Variants in NLRP1 observed in about 807,000 individuals in gnomAD.
NLRP1 encodes the protein NLR family pyrin domain containing 1, also known as NACHT, LRR and PYD domains-containing protein 1.
Under a neutral mutation model 136.7 loss-of-function variants are expected in NLRP1, and 94 were observed. That is an observed-to-expected ratio of 0.69 (90% CI 0.58 to 0.82). The LOEUF (loss-of-function observed/expected upper bound fraction) is 0.82. Among genes scored for constraint, NLRP1 ranks in the 40% least tolerant of loss-of-function variants. The pLI is 0.00. For synonymous variants in NLRP1, 690 were observed against 725.1 expected, an observed-to-expected ratio of 0.95 and a Z score of 0.78; for missense variants, 1,575 against 1,802.7, an observed-to-expected ratio of 0.87 and a Z score of 2.29.
chr17:5,513,292 A>G (rs927978344), downstream of NLRP1, among the ~76,000 whole-genome samples: 2 of 152,090 alleles, frequency 1.3e-5, no homozygotes, highest in Non-Finnish European at 2.9e-5. Flanking sequence ...GACAAAGTCT[A>G]TGTTGCCCGG....
chr17:5,550,086 G>C (rs188157307), intron 5 of NLRP1, among the ~76,000 whole-genome samples: 42 of 152,144 alleles, frequency 2.8e-4, no homozygotes, highest in African/African-American at 9.6e-4. Flanking sequence ...TATGTTGCCA[G>C]TATTTTGTTA....
rs1345524697 is a variant in NLRP1, at chr17:5,530,382, G to GGAA, written c.3520+96_3520+98dup. Reference sequence around the variant, plus strand: ...CATAACCCCCCCTCGGCCCCTCTAAGGAAGCCACAACACCCTCTCCCAGGA... The same window carrying GGAA: ...CATAACCCCCCCTCGGCCCCTCTAAGGAAGAAGCCACAACACCCTCTCCCAGGA... On this transcript the variant is annotated intron_variant, in intron 12 of 16. Transcript: ENST00000572272. The GGAA allele has an allele frequency of 2.4e-5, 27 of 1,103,130 alleles. No homozygotes were observed. The Admixed American group carries it at 5.3e-4, about 22-fold the overall frequency. 68.3% of individuals were successfully genotyped at this position (1,103,130 alleles called of 1,614,324 possible).
intron 5 of NLRP1, among the ~76,000 whole-genome samples, chr17:5,543,611 A>C (rs921089033): frequency 6.6e-6 from 1 of 151,846 alleles, no homozygotes; most frequent in African/African-American, 2.4e-5. Flanking sequence ...AGCTGAGATC[A>C]TGCCACTGCA....
intron 8 of NLRP1, among the ~76,000 whole-genome samples, chr17:5,535,011 G>C (rs1470544062): frequency 6.6e-6 from 1 of 152,190 alleles, no homozygotes; most frequent in Non-Finnish European, 1.5e-5. Context: ...CACAAGGTCA[G>C]GAGTTCGAGA....
intron 8 of NLRP1, among the ~76,000 whole-genome samples, chr17:5,534,948 G>A (rs867878489): frequency 5.9e-5 from 9 of 152,094 alleles, no homozygotes; most frequent in Middle Eastern, 3.2e-3. Flanking sequence ...TCAGCCGGGC[G>A]CGGTGGCTCA....
intron 4 of NLRP1, among the ~76,000 whole-genome samples, chr17:5,556,487 C>T (rs930272840): frequency 6.6e-6 from 1 of 151,108 alleles, no homozygotes; most frequent in South Asian, 2.1e-4. Context: ...AAAAAAATAC[C>T]CCACACCCAC....
chr17:5,552,110 T>G, intron 5 of NLRP1, among the ~76,000 whole-genome samples: 1 of 91,176 alleles, frequency 1.1e-5, no homozygotes, highest in Admixed American at 1.2e-4. Flanking sequence ...TTTTTTTTTT[T>G]TTTTTAAATA....
At chr17:5,513,364 T>C (rs1182768602), downstream of NLRP1, among the ~76,000 whole-genome samples, 2 of 152,250 alleles carry the variant, frequency 1.3e-5, no homozygotes, top group East Asian at 1.9e-4. Context: ...AGTGTTAAGA[T>C]TACATGCATG....
rs1398438876 is a variant in NLRP1, at chr17:5,537,993, A to G, written c.2871-1053T>C. ...TGGTTGTAGATAGCCAGTGTCAGCT[A>G]CAGGAGAACCCAAATGTAGACTATT... On this transcript the variant is annotated intron_variant, in intron 7 of 16. Transcript: ENST00000572272. The surrounding 1 kb of genome is among the most constrained non-coding windows in gnomAD (Gnocchi z 4.5). Among the ~76,000 whole-genome samples, 1 of 152,222 alleles carries G rather than the reference A, an allele frequency of 6.6e-6. No homozygotes were observed. Among genetic ancestry groups the G allele is most frequent in the African/African-American group, 2.4e-5 (1 of 41,456 alleles).
chr17:5,568,827 A>G (rs1024164309), intron 3 of NLRP1, among the ~76,000 whole-genome samples: 1 of 152,196 alleles, frequency 6.6e-6, no homozygotes, highest in African/African-American at 2.4e-5. Flanking sequence ...AGTCTTAGAC[A>G]AAATCTGGTT....
intron 3 of NLRP1, among the ~76,000 whole-genome samples, chr17:5,563,771 G>T (rs1388587051): frequency 6.6e-6 from 1 of 152,146 alleles, no homozygotes; most frequent in Admixed American, 6.5e-5. Context: ...GAAATGCAAA[G>T]AATCCTTGTG....
chr17:5,554,598 C>CA (rs1378601583), intron 4 of NLRP1, among the ~76,000 whole-genome samples: 1 of 152,102 alleles, frequency 6.6e-6, no homozygotes, highest in African/African-American at 2.4e-5. Context: ...TCCTCCGCTG[C>CA]AAAAAGAGGA....
chr17:5,563,416 A>C (rs888433794), intron 3 of NLRP1, among the ~76,000 whole-genome samples: 1 of 152,248 alleles, frequency 6.6e-6, no homozygotes, highest in Admixed American at 6.5e-5. Context: ...CGAAATGGTC[A>C]TTTTAGGAAA....
chr17:5,538,409 A>C (rs1911385927), intron 7 of NLRP1, among the ~76,000 whole-genome samples: 1 of 152,072 alleles, frequency 6.6e-6, no homozygotes, highest in Non-Finnish European at 1.5e-5. Flanking sequence ...CACCATCCCT[A>C]GGCCTAGAAT....
chr17:5,581,952 C>T lies in NLRP1; in HGVS notation c.559G>A (p.Gly187Arg). Reference protein sequence around the residue: ...PTSTAVLGSWGSPPQPSLAPR... With the variant: ...PTSTAVLGSWRSPPQPSLAPR... ...GCTAGGCTGGGCTGAGGTGGGGATC[C>T]CCAGCTCCCCAGCACTGCTGTGGAT... Residue 187 changes from glycine (G) to arginine (R), a missense_variant, in exon 3 of 17, where the codon GGA becomes AGA. Gly to Arg is a moderately radical substitution (Grantham distance 125). Coordinates refer to ENST00000572272, the MANE Select transcript of NLRP1 (RefSeq NM_033004.4). 1 of 1,613,798 alleles carries T rather than the reference C, an allele frequency of 6.2e-7. No homozygotes were observed.
At chr17:5,557,679 C>T (rs187663138) in intron 4 of NLRP1, among the ~76,000 whole-genome samples, 202 of 152,296 alleles carry the variant, frequency 1.3e-3, no homozygotes, top group African/African-American at 3.6e-3. Context: ...ATCGATACCA[C>T]GACAGAGGTC....
At chr17:5,506,185 G>A (rs1907324866) in intron 15 of NLRP1, among the ~76,000 whole-genome samples, 1 of 151,798 alleles carries the variant, frequency 6.6e-6, no homozygotes, top group African/African-American at 2.4e-5. Context: ...CCGAGAGGCT[G>A]AGGCAGGAGA....
At position 5,530,655 on chromosome 17, in the gene NLRP1, A is replaced by G. The variant is rs1435625265; in HGVS notation, c.3346T>C (p.Cys1116Arg). The G allele has an allele frequency of 1.9e-6, 3 of 1,614,250 alleles. No homozygotes were observed. Among genetic ancestry groups the G allele is most frequent in the South Asian group, 2.2e-5 (2 of 91,090 alleles). Residue 1116 changes from cysteine to arginine, a missense_variant, in exon 12 of 17, where the codon TGC (cysteine) becomes CGC (arginine). Physicochemically the swap from Cys to Arg is radical, Grantham distance 180 (BLOSUM62 -3). Coordinates refer to ENST00000572272, the MANE Select transcript of NLRP1 (RefSeq NM_033004.4). ...GSYRWPNTGL[C>R]FVMREAVTVE... ...GTCACCGCTTCTCTCATCACAAAGC[A>G]GAGACCCGTGTTGGGCCAGCGGTAG...
intron 15 of NLRP1, among the ~76,000 whole-genome samples, chr17:5,516,790 A>T (rs1597392273): frequency 6.6e-6 from 1 of 152,132 alleles, no homozygotes. Context: ...CTGTGGTTGC[A>T]CCCAAGCCAG....
Sources: allele counts gnomAD v4.1 joint callset (sites outside exome capture counted in the v4.1 genomes callset), GRCh38; gene constraint gnomAD v4.1.1; non-coding constraint Gnocchi (gnomAD v3.1); transcripts MANE v1.5; gene names NCBI Gene and HGNC (gene_info 2026-07-23, HGNC 2026-07-21).